The following SCML2 variants were observed in gnomAD, a reference collection of about 807,000 sequenced individuals.
SCML2 encodes the protein Scm polycomb group protein like 2, also known as sex comb on midleg-like protein 2.
SCML2 carries 6 observed loss-of-function variants against 48.4 expected under a neutral mutation model. The observed-to-expected ratio is 0.12, with a 90% CI of 0.07 to 0.24. The LOEUF (loss-of-function observed/expected upper bound fraction) is 0.24. Among genes scored for constraint, SCML2 ranks in the 10% least tolerant of loss-of-function variants. SCML2 has a pLI of 1.00. For synonymous variants in SCML2, 181 were observed against 189.5 expected, an observed-to-expected ratio of 0.95 and a Z score of 0.37; for missense variants, 377 against 528.2, an observed-to-expected ratio of 0.71 and a Z score of 2.81.
intron 7 of SCML2, among the ~76,000 whole-genome samples, chrX:18,299,867 C>A (rs1358829064): frequency 9.1e-6 from 1 of 109,646 alleles, no homozygotes; most frequent in Non-Finnish European, 1.9e-5. Flanking sequence ...GCCTCCCCAG[C>A]AGCTAGGACT....
At chrX:18,323,636 G>C (rs1165793664) in intron 5 of SCML2, among the ~76,000 whole-genome samples, 1 of 111,163 alleles carries the variant, frequency 9.0e-6, no homozygotes, top group Non-Finnish European at 1.9e-5. Context: ...TCTTGCCCTG[G>C]AGTGGAGAAA....
rs1379329146 is a variant in SCML2 at position 18,239,848 on chromosome X, T to G, written c.*1403A>C. On this transcript the variant is annotated 3_prime_UTR_variant, in exon 15 of 15. Coordinates refer to ENST00000251900, the MANE Select transcript of SCML2 (RefSeq NM_006089.3). ...ATGGAGAAACCCCATCTCTACAAAA[T>G]TAGCTGGGCGTGGTGGTGCATTCCT... 1 of 111,083 alleles carries G rather than the reference T, an allele frequency of 9.0e-6. No individual in the cohort carries two copies. Among genetic ancestry groups the G allele is most frequent in the Non-Finnish European group, 1.9e-5 (1 of 52,993 alleles). The allele number at this position is 111,083 out of a possible 1,213,427, so 9.2% of individuals were successfully genotyped here.
intron 3 of SCML2, among the ~76,000 whole-genome samples, chrX:18,327,676 A>C (rs1803548644): frequency 8.9e-6 from 1 of 112,231 alleles, no homozygotes; most frequent in Non-Finnish European, 1.9e-5. Context: ...ATAATTTTCT[A>C]TCAAATTACT....
At chrX:18,280,379 T>A (rs1282921585) in intron 7 of SCML2, among the ~76,000 whole-genome samples, 1 of 111,335 alleles carries the variant, frequency 9.0e-6, no homozygotes, top group Non-Finnish European at 1.9e-5. Flanking sequence ...AACATGAAAT[T>A]GAAAGAATGA....
Position 18,260,210 on chromosome X carries a change from C to A in SCML2, c.1030G>T (p.Asp344Tyr). 8.3e-7 allele frequency: 1 copy of A among 1,201,543 alleles called. No individual in the cohort carries two copies. Among genetic ancestry groups the A allele is most frequent in the Non-Finnish European group, 1.1e-6 (1 of 887,977 alleles). The change falls in exon 9 of 15, where the codon GAT becomes TAT. Residue 344 changes from aspartate (D) to tyrosine (Y), a missense_variant. Physicochemically the swap from Asp to Tyr is radical, Grantham distance 160. Transcript: ENST00000251900. ...LTRDRGMLYK[D>Y]VASGPCKIVM... ...ATTTTACATGGCCCAGAAGCGACAT[C>A]TTTATATAACATGCCACGGTCTCTG...
chrX:18,247,413 T>C (rs747964290), intron 12 of SCML2, among the ~76,000 whole-genome samples: 2 of 112,255 alleles, frequency 1.8e-5, no homozygotes, highest in Non-Finnish European at 1.9e-5. Context: ...TCTTCATTAC[T>C]ATTTGTTATA....
intron 8 of SCML2, 151 bp downstream of exon 8, chrX:18,265,434 G>T (rs1441302451): frequency 4.4e-6 from 2 of 456,636 alleles, no homozygotes; most frequent in Non-Finnish European, 7.4e-6. Context: ...ACAATCTATC[G>T]ATAGTTATGT....
intron 3 of SCML2, among the ~76,000 whole-genome samples, chrX:18,330,218 T>A (rs1477031197): frequency 9.0e-6 from 1 of 111,601 alleles, no homozygotes; most frequent in Non-Finnish European, 1.9e-5. Context: ...ACCACTGAAC[T>A]GTCTTCTGAC....
chrX:18,277,078 G>T (rs1927671163), intron 7 of SCML2, among the ~76,000 whole-genome samples: 1 of 110,729 alleles, frequency 9.0e-6, no homozygotes, highest in South Asian at 3.8e-4. Flanking sequence ...ATTTGTTTCT[G>T]TTTTTGTTTG....
At chrX:18,298,397 T>C (rs1928466473) in intron 7 of SCML2, among the ~76,000 whole-genome samples, 1 of 111,903 alleles carries the variant, frequency 8.9e-6, no homozygotes, top group African/African-American at 3.2e-5. Context: ...AACAGCATGG[T>C]ATTAATATAA....
chrX:18,252,906 G>A (rs1926714625), intron 11 of SCML2, among the ~76,000 whole-genome samples: 1 of 112,304 alleles, frequency 8.9e-6, no homozygotes, highest in Non-Finnish European at 1.9e-5. Context: ...GGAAGCTGGG[G>A]AGTTAGGCTG....
intron 6 of SCML2, among the ~76,000 whole-genome samples, chrX:18,314,032 A>C (rs780606882): frequency 8.9e-6 from 1 of 111,858 alleles, no homozygotes; most frequent in Admixed American, 9.5e-5. Flanking sequence ...ATCAGGAATG[A>C]TCTCCATATA....
At chrX:18,297,361 T>C (rs1451401857) in intron 7 of SCML2, among the ~76,000 whole-genome samples, 1 of 112,085 alleles carries the variant, frequency 8.9e-6, no homozygotes, top group African/African-American at 3.2e-5. Flanking sequence ...CAACATAGTA[T>C]TGGAAGTCCT....
chrX:18,294,321 G>A (rs980421850), intron 7 of SCML2, among the ~76,000 whole-genome samples: 1 of 111,027 alleles, frequency 9.0e-6, no homozygotes, highest in African/African-American at 3.3e-5. Flanking sequence ...AGAGAGGAAC[G>A]CAAGACAGCC....
intron 6 of SCML2, among the ~76,000 whole-genome samples, chrX:18,318,469 G>A (rs1357027688): frequency 8.9e-6 from 1 of 112,694 alleles, no homozygotes; most frequent in Non-Finnish European, 1.9e-5. Context: ...CTAAAACGTG[G>A]CTTTTATTGT....
rs201252111 is a variant in SCML2, at chrX:18,324,004, C to T, written c.252G>A (p.Thr84=). 2.7e-5 allele frequency: 33 copies of T among 1,208,690 alleles called. No homozygotes were observed. In the East Asian group the frequency reaches 3.3e-4, roughly 12 times the overall value. ...ACCTGGCCCCAGTAATTCCAATAAC[C>T]GTAGCAATACATACTGAAGTGGCAT... ...PRNATSVCIA[T]VIGITGARLR... is the part of the protein sequence containing the mutation. The change falls in exon 5 of 15, where the codon ACG becomes ACA. Residue 84 remains threonine, a synonymous_variant. Coordinates refer to ENST00000251900, the MANE Select transcript of SCML2 (RefSeq NM_006089.3).
intron 7 of SCML2, among the ~76,000 whole-genome samples, chrX:18,273,282 G>A (rs1927519225): frequency 9.1e-6 from 1 of 110,449 alleles, no homozygotes; most frequent in Non-Finnish European, 1.9e-5. Flanking sequence ...TCACTCTCAC[G>A]TTCTCTTGCC....
chrX:18,298,248 C>T (rs952055020), intron 7 of SCML2, among the ~76,000 whole-genome samples: 1 of 111,296 alleles, frequency 9.0e-6, no homozygotes, highest in East Asian at 2.8e-4. Flanking sequence ...TGTCACTCTT[C>T]ACAGAAATAG....
intron 7 of SCML2, among the ~76,000 whole-genome samples, chrX:18,294,299 C>T (rs750256084): frequency 9.0e-6 from 1 of 110,925 alleles, no homozygotes; most frequent in South Asian, 3.9e-4. Context: ...AGGAAACACC[C>T]GAGGCATGAA....
Sources: gnomAD v4.1 joint callset for allele counts (sites outside exome capture counted in the v4.1 genomes callset) on GRCh38, gnomAD v4.1.1 for gene constraint, MANE v1.5 for transcripts, NCBI Gene and HGNC (gene_info 2026-07-23, HGNC 2026-07-21) for gene names.